Variants in FAM118B observed in about 807,000 individuals in gnomAD.
FAM118B encodes the protein SIR2 antiphage like 1.
In FAM118B, 24 loss-of-function variants were observed where a neutral mutation model predicts 38.5. That is an observed-to-expected ratio of 0.62 (90% CI 0.45 to 0.88). The LOEUF is 0.88. FAM118B is among the 40% of genes least tolerant of loss of function. The pLI is 0.00. For synonymous variants in FAM118B, 138 were observed against 156.3 expected (o/e 0.88, Z 0.87); for missense variants, 334 against 420.0 (o/e 0.80, Z 1.79).
rs977955314 is a variant in FAM118B, at chr11:126,238,749, A to G, written c.87-2043A>G. The stretch of plus-strand genomic sequence containing the variant: ...GCCCCACCAGCCCCTCTACCTTTAG[A>G]TGTACATGAACATTCCCAAAATTCT... On this transcript the variant is annotated intron_variant, in intron 3 of 8. Transcript: ENST00000533050. Among the ~76,000 whole-genome samples the G allele has an allele frequency of 7.2e-5, 11 of 152,124 alleles. No individual in the cohort carries two copies. The South Asian group carries it at 8.3e-4, about 11-fold the overall frequency.
At chr11:126,245,309 A>G (rs1451500107) in intron 4 of FAM118B, 1 of 151,872 alleles carries the variant, frequency 6.6e-6, no homozygotes, top group Non-Finnish European at 1.5e-5. Context: ...ACTTCATATG[A>G]AATTACAAGG....
chr11:126,231,953 A>T (rs1950211780), intron 2 of FAM118B, among the ~76,000 whole-genome samples: 1 of 152,230 alleles, frequency 6.6e-6, no homozygotes. Context: ...TGGAGTACCT[A>T]GTTAACAAGC....
rs1283342314 is a variant in FAM118B, at chr11:126,244,727, C to T, written c.339+3683C>T. On this transcript the variant is annotated intron_variant, in intron 4 of 8. Coordinates refer to ENST00000533050, the MANE Select transcript of FAM118B (RefSeq NM_024556.4). This position sits in a 1 kb window ranked among gnomAD's most constrained non-coding sequence, Gnocchi z 4.5. ...GTGGAGGCAGGAGAATCACTTGAAC[C>T]TGGGAGCAGAGGTTGCAGCGAGCCA... Among the ~76,000 whole-genome samples the T allele has an allele frequency of 1.3e-5, 2 of 152,142 alleles. No individual in the cohort carries two copies. The highest frequency in any genetic ancestry group is 4.8e-5 in the African/African-American group (2 of 41,416).
At chr11:126,219,320 TGGAAGCTTATCCTTCAGCTCTTGTTTATC>T (rs1950027084) in intron 1 of FAM118B, among the ~76,000 whole-genome samples, 1 of 150,314 alleles carries the variant, frequency 6.7e-6, no homozygotes, top group Non-Finnish European at 1.5e-5. Flanking sequence ...TCGTTTATTT[TGGAAGCTTATCCTTCAGCTCTTGTTTATC>T]TTTTTTTTTT....
At chr11:126,230,766 A>G (rs947338360) in intron 2 of FAM118B, among the ~76,000 whole-genome samples, 2 of 152,208 alleles carry the variant, frequency 1.3e-5, no homozygotes, top group African/African-American at 4.8e-5. Context: ...CTCAGAATGA[A>G]GAAGGCGGGC....
At chr11:126,219,503 A>G (rs900005792) in intron 1 of FAM118B, among the ~76,000 whole-genome samples, 11 of 151,402 alleles carry the variant, frequency 7.3e-5, no homozygotes, top group Admixed American at 2.0e-4. Flanking sequence ...AGCTGGGACC[A>G]TAGGCATATG....
chr11:126,258,274 C>G (rs1047499120), intron 7 of FAM118B, among the ~76,000 whole-genome samples: 1 of 152,094 alleles, frequency 6.6e-6, no homozygotes, highest in Non-Finnish European at 1.5e-5. Flanking sequence ...TGTAGTCCAG[C>G]TGCTTGGGAG....
chr11:126,226,944 C>T (rs1453447722), intron 1 of FAM118B, among the ~76,000 whole-genome samples: 1 of 88,070 alleles, frequency 1.1e-5, no homozygotes, highest in Non-Finnish European at 2.3e-5. Flanking sequence ...ACAGTGAGAC[C>T]CCGTCCAAAA....
chr11:126,258,330 T>C (rs1210093304), intron 7 of FAM118B, among the ~76,000 whole-genome samples: 1 of 152,194 alleles, frequency 6.6e-6, no homozygotes, highest in East Asian at 1.9e-4. Flanking sequence ...GAGTCTGCAG[T>C]GAGCTATGAT....
chr11:126,241,304 T>C (rs982784034), intron 4 of FAM118B: 6 of 348,184 alleles, frequency 1.7e-5, no homozygotes, highest in Admixed American at 4.5e-5. Context: ...AAATTACCAC[T>C]GTGTTTTGAA....
At chr11:126,238,667 C>T (rs1690686610) in intron 3 of FAM118B, among the ~76,000 whole-genome samples, 1 of 152,130 alleles carries the variant, frequency 6.6e-6, no homozygotes, top group African/African-American at 2.4e-5. Context: ...GAAGGGAAAC[C>T]TCTAGCCTGC....
chr11:126,259,039 TC>T (rs1950628021), intron 7 of FAM118B, among the ~76,000 whole-genome samples: 1 of 152,206 alleles, frequency 6.6e-6, no homozygotes, highest in Admixed American at 6.5e-5. Flanking sequence ...TTAAACAAAA[TC>T]AAGGATTTTC....
intron 1 of FAM118B, among the ~76,000 whole-genome samples, chr11:126,215,083 A>G (rs993071416): frequency 5.3e-5 from 8 of 152,206 alleles, no homozygotes; most frequent in Non-Finnish European, 1.2e-4. Flanking sequence ...TGCCCTGGAA[A>G]GTACAGTCAT....
chr11:126,221,727 C>G (rs904810991), intron 1 of FAM118B, among the ~76,000 whole-genome samples: 1 of 151,912 alleles, frequency 6.6e-6, no homozygotes, highest in Non-Finnish European at 1.5e-5. Context: ...GAGAGCCCTG[C>G]GGATCCTCAG....
At chr11:126,238,761 A>G (rs1162264311) in intron 3 of FAM118B, among the ~76,000 whole-genome samples, 3 of 152,156 alleles carry the variant, frequency 2.0e-5, no homozygotes, top group African/African-American at 7.2e-5. Context: ...GTACATGAAC[A>G]TTCCCAAAAT....
chr11:126,261,129 A>G, intron 7 of FAM118B: 1 of 332,644 alleles, frequency 3.0e-6, no homozygotes. Context: ...CTGTTTAGGG[A>G]CAGCAGACAC....
chr11:126,215,407 T>G (rs575757337), intron 1 of FAM118B, among the ~76,000 whole-genome samples: 1 of 152,172 alleles, frequency 6.6e-6, no homozygotes, highest in East Asian at 1.9e-4. Flanking sequence ...AATATACTTT[T>G]AAGATTTCTG....
chr11:126,260,819 C>T (rs926152599), intron 7 of FAM118B: 2 of 152,218 alleles, frequency 1.3e-5, no homozygotes, highest in African/African-American at 2.4e-5. Flanking sequence ...GAACTATTAT[C>T]TATGCCAAGT....
intron 3 of FAM118B, among the ~76,000 whole-genome samples, chr11:126,236,916 G>A (rs1476353534): frequency 1.2e-5 from 1 of 82,450 alleles, no homozygotes; most frequent in South Asian, 4.1e-4. Context: ...TTTCACAGAT[G>A]CTTTTTTTTT....
Sources: allele counts gnomAD v4.1 joint callset (sites outside exome capture counted in the v4.1 genomes callset), GRCh38; gene constraint gnomAD v4.1.1; non-coding constraint Gnocchi (gnomAD v3.1); transcripts MANE v1.5; gene names NCBI Gene and HGNC (gene_info 2026-07-23, HGNC 2026-07-21).